The following AFAP1 variants were observed in gnomAD, a reference collection of about 807,000 sequenced individuals.
AFAP1 encodes the protein actin filament associated protein 1.
AFAP1 carries 75 observed loss-of-function variants against 93.9 expected under a neutral mutation model. The observed-to-expected ratio is 0.80, with a 90% CI of 0.66 to 0.97. The LOEUF (loss-of-function observed/expected upper bound fraction) is 0.97. AFAP1 is among the 50% of genes least tolerant of loss of function. AFAP1 has a pLI of 0.00. For missense variants in AFAP1, 1,201 were observed against 1,050.8 expected, an observed-to-expected ratio of 1.14 and a Z score of -1.98; for synonymous variants, 517 against 430.7, an observed-to-expected ratio of 1.20 and a Z score of -2.48.
rs943360302 is a variant in AFAP1, at chr4:7,898,416, GA to G, written c.-2-26337del. ...AGAGTGAAACTCCATCTCAGAAGGG[GA>G]AAAAAAAAGCCTCCCAACCCACCTC... is the stretch of plus-strand genomic sequence containing the variant. On this transcript the variant is annotated intron_variant, in intron 1 of 17. Transcript: ENST00000420658. Among the ~76,000 whole-genome samples the G allele has an allele frequency of 3.7e-3, 547 of 148,244 alleles. 6 individuals carry two copies. Among genetic ancestry groups the G allele is most frequent in the African/African-American group, 0.012 (492 of 40,354 alleles).
At chr4:7,781,034 C>T (rs28726367) in intron 13 of AFAP1, among the ~76,000 whole-genome samples, 23,515 of 151,802 alleles carry the variant, frequency 0.15, 1,851 homozygotes, top group Middle Eastern at 0.19. Context: ...AGTAAAGAAA[C>T]TTGCTGTTCA....
intron 1 of AFAP1, among the ~76,000 whole-genome samples, chr4:7,926,926 G>C (rs1479318109): frequency 1.3e-5 from 2 of 152,162 alleles, no homozygotes; most frequent in Admixed American, 6.5e-5. Flanking sequence ...AGTAGAGAAG[G>C]GGTTTCAACT....
intron 16 of AFAP1, among the ~76,000 whole-genome samples, chr4:7,771,258 G>C (rs542341737): frequency 7.9e-5 from 12 of 151,830 alleles, no homozygotes; most frequent in African/African-American, 2.9e-4. Flanking sequence ...GGCGGCCCCC[G>C]CCGGTAACCA....
At chr4:7,767,765 C>T (rs1028849503) in intron 17 of AFAP1, among the ~76,000 whole-genome samples, 4 of 152,224 alleles carry the variant, frequency 2.6e-5, no homozygotes, top group African/African-American at 7.2e-5. Context: ...CCAGTCAACT[C>T]GGAGGGGGCT....
At chr4:7,932,896 T>C (rs919729579) in intron 1 of AFAP1, among the ~76,000 whole-genome samples, 1 of 151,828 alleles carries the variant, frequency 6.6e-6, no homozygotes, top group African/African-American at 2.4e-5. Flanking sequence ...GGCACGTGCC[T>C]GTAGTCCCAG....
intron 1 of AFAP1, among the ~76,000 whole-genome samples, chr4:7,878,782 G>C (rs1237286374): frequency 6.6e-6 from 1 of 152,168 alleles, no homozygotes; most frequent in East Asian, 1.9e-4. Flanking sequence ...GAAAGGTTAC[G>C]TTTTTGCCTA....
chr4:7,786,068 T>C (rs1331770120), intron 12 of AFAP1, 126 bp downstream of exon 12: 1 of 778,700 alleles, frequency 1.3e-6, no homozygotes, highest in Admixed American at 2.4e-5. Flanking sequence ...AGATGGAGTC[T>C]CCTTGCCTCA....
chr4:7,863,061 G>C (rs1248514357), intron 3 of AFAP1, among the ~76,000 whole-genome samples: 1 of 152,186 alleles, frequency 6.6e-6, no homozygotes. Context: ...TTTAGCACTT[G>C]CTGCAAACGA....
intron 6 of AFAP1, among the ~76,000 whole-genome samples, chr4:7,831,282 G>A (rs181443714): frequency 6.6e-6 from 1 of 151,566 alleles, no homozygotes. Context: ...ATATGTACTG[G>A]AAGTAACATC....
At chr4:7,795,859 C>T (rs773253074) in intron 10 of AFAP1, among the ~76,000 whole-genome samples, 1 of 152,082 alleles carries the variant, frequency 6.6e-6, no homozygotes, top group African/African-American at 2.4e-5. Flanking sequence ...CAATTGTTTT[C>T]TTCACAGTTC....
chr4:7,834,566 C>T (rs537726388), intron 6 of AFAP1, among the ~76,000 whole-genome samples: 25 of 152,300 alleles, frequency 1.6e-4, no homozygotes, highest in African/African-American at 5.5e-4. Context: ...AGCATCTTTC[C>T]GAAAGCATAA....
At chr4:7,935,526 G>A (rs1047218829) in intron 1 of AFAP1, among the ~76,000 whole-genome samples, 1 of 152,146 alleles carries the variant, frequency 6.6e-6, no homozygotes, top group Non-Finnish European at 1.5e-5. Flanking sequence ...GGGAGAGAGA[G>A]GAAGGTAGAC....
At chr4:7,921,726 A>C (rs1720451400) in intron 1 of AFAP1, among the ~76,000 whole-genome samples, 1 of 152,202 alleles carries the variant, frequency 6.6e-6, no homozygotes. Context: ...ATTACATACA[A>C]CTCAGCATTG....
chr4:7,921,540 G>A (rs918548308), intron 1 of AFAP1, among the ~76,000 whole-genome samples: 1 of 151,984 alleles, frequency 6.6e-6, no homozygotes, highest in Non-Finnish European at 1.5e-5. Flanking sequence ...AGAAGAAACT[G>A]TTGGCAAGGA....
At chr4:7,902,119 G>A (rs754308550) in intron 1 of AFAP1, among the ~76,000 whole-genome samples, 3 of 152,156 alleles carry the variant, frequency 2.0e-5, no homozygotes, top group East Asian at 1.9e-4. Context: ...TCAACAACCC[G>A]TCTTCTCTGA....
intron 10 of AFAP1, chr4:7,798,753 G>T: frequency 2.9e-6 from 1 of 349,948 alleles, no homozygotes; most frequent in Non-Finnish European, 4.2e-6. Flanking sequence ...CCAGGACTCG[G>T]GGCACACAGC....
intron 13 of AFAP1, chr4:7,779,093 T>G (rs2269875): frequency 3.7e-6 from 2 of 544,586 alleles, no homozygotes; most frequent in Non-Finnish European, 6.5e-6. Flanking sequence ...GCAGAGGCTC[T>G]GTAGGATGTG....
intron 1 of AFAP1, among the ~76,000 whole-genome samples, chr4:7,875,362 T>C (rs1717433672): frequency 6.6e-6 from 1 of 152,222 alleles, no homozygotes; most frequent in Non-Finnish European, 1.5e-5. Flanking sequence ...AGCTGGGCGA[T>C]TTTCCCTTCT....
At position 7,774,639 on chromosome 4, in the gene AFAP1, A is replaced by G. The variant is rs566209465; in HGVS notation, c.2062+100T>C. Reference sequence around the variant, plus strand: ...TAACCCACTCTTACTAAATAAAATGACAGCCTTGGTGAGCAATAGGTCCTT... The same window carrying G: ...TAACCCACTCTTACTAAATAAAATGGCAGCCTTGGTGAGCAATAGGTCCTT... On this transcript the variant is annotated intron_variant, in intron 15 of 17. Transcript: ENST00000420658. The G allele has an allele frequency of 8.8e-6, 13 of 1,469,306 alleles. No homozygotes were observed. In the African/African-American group the frequency reaches 1.7e-4, roughly 19 times the overall value. 91.0% of individuals were successfully genotyped at this position (1,469,306 alleles called of 1,614,324 possible).
Sources: gnomAD v4.1 joint callset for allele counts (sites outside exome capture counted in the v4.1 genomes callset) on GRCh38, gnomAD v4.1.1 for gene constraint, MANE v1.5 for transcripts, NCBI Gene and HGNC (gene_info 2026-07-23, HGNC 2026-07-21) for gene names.